DCLK2: variants seen among roughly 807,000 people sequenced by gnomAD.
The protein encoded by DCLK2 is serine/threonine-protein kinase DCLK2.
Under a neutral mutation model 78.4 loss-of-function variants are expected in DCLK2, and 31 were observed. The observed-to-expected ratio is 0.40, with a 90% CI of 0.30 to 0.53. DCLK2 has a LOEUF of 0.53. Ranked by LOEUF, DCLK2 falls within the 20% of genes least tolerant of loss-of-function variation. DCLK2 has a pLI of 0.61. For missense variants in DCLK2, 872 were observed against 973.7 expected (o/e 0.90, Z 1.39); for synonymous variants, 407 against 374.9 (o/e 1.09, Z -0.99).
At chr4:150,079,472 G>A (rs936829122) in intron 1 of DCLK2, 24 bp downstream of exon 1, 52 of 1,448,060 alleles carry the variant, frequency 3.6e-5, no homozygotes, top group Non-Finnish European at 4.6e-5. Context: ...GCGCCGCACG[G>A]CAGGTGCGGC....
intron 2 of DCLK2, among the ~76,000 whole-genome samples, chr4:150,150,087 A>G (rs1458248102): frequency 1.3e-5 from 2 of 152,148 alleles, no homozygotes; most frequent in Non-Finnish European, 2.9e-5. Flanking sequence ...AGTTTCCAGC[A>G]TTTAATGGGA....
intron 15 of DCLK2, among the ~76,000 whole-genome samples, chr4:150,250,847 A>G (rs1477899069): frequency 2.1e-5 from 3 of 143,300 alleles, no homozygotes; most frequent in East Asian, 4.2e-4. Context: ...CCACACACAT[A>G]ACCCACATCC....
At chr4:150,210,295 A>G (rs1740191793) in intron 5 of DCLK2, among the ~76,000 whole-genome samples, 1 of 152,204 alleles carries the variant, frequency 6.6e-6, no homozygotes, top group African/African-American at 2.4e-5. Flanking sequence ...TGGCATTTCC[A>G]GGTTCCATTT....
intron 12 of DCLK2, among the ~76,000 whole-genome samples, chr4:150,244,661 C>CGG (rs1743172689): frequency 6.6e-6 from 1 of 152,228 alleles, no homozygotes; most frequent in African/African-American, 2.4e-5. Context: ...AATGCGATAC[C>CGG]GGATCCAGTG....
chr4:150,172,311 A>G (rs1736591659), intron 2 of DCLK2, among the ~76,000 whole-genome samples: 1 of 152,130 alleles, frequency 6.6e-6, no homozygotes, highest in African/African-American at 2.4e-5. Flanking sequence ...CTGTATGACT[A>G]AAGAAATCCT....
At chr4:150,242,569 C>T (rs896360890) in intron 12 of DCLK2, among the ~76,000 whole-genome samples, 4 of 152,136 alleles carry the variant, frequency 2.6e-5, no homozygotes, top group African/African-American at 9.7e-5. Flanking sequence ...TCTAGGATGA[C>T]CCCACTTGCA....
intron 2 of DCLK2, among the ~76,000 whole-genome samples, chr4:150,104,916 AT>A (rs1360978953): frequency 5.3e-5 from 8 of 152,106 alleles, no homozygotes; most frequent in Non-Finnish European, 1.2e-4. Flanking sequence ...ATTCTTTCTG[AT>A]TTTTATTTAT....
At chr4:150,190,034 C>CAATAAAAAAAAAAAAAAAAAA (rs1738281195) in intron 2 of DCLK2, among the ~76,000 whole-genome samples, 1 of 26,242 alleles carries the variant, frequency 3.8e-5, no homozygotes, top group Non-Finnish European at 8.0e-5. Context: ...GACCCTGTCT[C>CAATAAAAAAAAAAAAAAAAAA]AAAAAAAAAA....
intron 2 of DCLK2, among the ~76,000 whole-genome samples, chr4:150,190,053 G>GAAAAAAAAAAAAAAAAAAAAAAAC: frequency 7.7e-5 from 1 of 12,980 alleles, no homozygotes; most frequent in South Asian, 2.7e-3. Flanking sequence ...AAAAAAAAAG[G>GAAAAAAAAAAAAAAAAAAAAAAAC]CCAAGTGTGG....
chr4:150,208,277 A>T (rs962217472), intron 5 of DCLK2, among the ~76,000 whole-genome samples: 2 of 152,236 alleles, frequency 1.3e-5, no homozygotes, highest in African/African-American at 2.4e-5. Context: ...AGTTTTGGTC[A>T]TAAAAGTTTT....
chr4:150,171,977 A>C (rs1037062562), intron 2 of DCLK2, among the ~76,000 whole-genome samples: 1 of 152,156 alleles, frequency 6.6e-6, no homozygotes, highest in Non-Finnish European at 1.5e-5. Context: ...ATGACTTAAT[A>C]ATGTTGTTAA....
chr4:150,104,651 A>G (rs555255737), intron 2 of DCLK2, among the ~76,000 whole-genome samples: 6 of 152,178 alleles, frequency 3.9e-5, no homozygotes, highest in African/African-American at 1.2e-4. Flanking sequence ...CATGAGATCT[A>G]TAGGATAAAG....
chr4:150,155,437 G>T (rs1478351224), intron 2 of DCLK2, among the ~76,000 whole-genome samples: 1 of 152,180 alleles, frequency 6.6e-6, no homozygotes, highest in Admixed American at 6.5e-5. Context: ...GTTTCAAGAG[G>T]TTCGGTTTTT....
chr4:150,255,642 G>A (rs1283153465), intron 15 of DCLK2, among the ~76,000 whole-genome samples: 1 of 152,202 alleles, frequency 6.6e-6, no homozygotes, highest in Non-Finnish European at 1.5e-5. Context: ...GCTTTATTTG[G>A]AAGAGTAAAC....
intron 2 of DCLK2, among the ~76,000 whole-genome samples, chr4:150,108,842 A>C (rs183874863): frequency 3.3e-4 from 51 of 152,314 alleles, no homozygotes; most frequent in Admixed American, 3.3e-3. Context: ...GAACAAGTTG[A>C]TTCTTGTCAT....
intron 2 of DCLK2, among the ~76,000 whole-genome samples, chr4:150,117,826 G>A (rs1274992227): frequency 6.6e-6 from 1 of 152,128 alleles, no homozygotes; most frequent in African/African-American, 2.4e-5. Flanking sequence ...TTCATGTTAA[G>A]TTCCTCTGTT....
At chr4:150,131,012 A>G (rs1560797476) in intron 2 of DCLK2, among the ~76,000 whole-genome samples, 1 of 152,174 alleles carries the variant, frequency 6.6e-6, no homozygotes, top group Non-Finnish European at 1.5e-5. Context: ...GTATGCTGCT[A>G]CAATGATTTG....
chr4:150,118,625 A>C (rs1366403666), intron 2 of DCLK2, among the ~76,000 whole-genome samples: 1 of 114,008 alleles, frequency 8.8e-6, no homozygotes, highest in Non-Finnish European at 2.3e-5. Context: ...TAAACAATTC[A>C]GAAATACGAA....
At chr4:150,241,613 C>T (rs1344569521) in intron 12 of DCLK2, among the ~76,000 whole-genome samples, 1 of 152,124 alleles carries the variant, frequency 6.6e-6, no homozygotes, top group Non-Finnish European at 1.5e-5. Context: ...TTGTGGTTTC[C>T]CTTAGTTTAT....
Sources: allele counts gnomAD v4.1 joint callset (sites outside exome capture counted in the v4.1 genomes callset), GRCh38; gene constraint gnomAD v4.1.1; transcripts MANE v1.5; gene names NCBI Gene and HGNC (gene_info 2026-07-23, HGNC 2026-07-21).